Variants in FGGY observed in about 807,000 individuals in gnomAD.
The protein encoded by FGGY is FGGY carbohydrate kinase domain containing.
FGGY carries 72 observed loss-of-function variants against 71.3 expected under a neutral mutation model. That is an observed-to-expected ratio of 1.01 (90% confidence interval 0.84 to 1.23). The LOEUF is 1.23. Among genes scored for constraint, FGGY ranks in the 50% most tolerant of loss-of-function variants. The pLI, the probability that FGGY is intolerant of heterozygous loss-of-function variation, is 0.00. For synonymous variants in FGGY, 251 were observed against 250.3 expected, an observed-to-expected ratio of 1.00 and a Z score of -0.02; for missense variants, 668 against 682.3, an observed-to-expected ratio of 0.98 and a Z score of 0.23.
At chr1:59,399,001 T>C (rs1005031294) in intron 5 of FGGY, among the ~76,000 whole-genome samples, 1 of 152,210 alleles carries the variant, frequency 6.6e-6, no homozygotes, top group African/African-American at 2.4e-5. Context: ...ATTAGAATCA[T>C]ATGTTATTGG....
chr1:59,385,212 C>G (rs913587624), intron 5 of FGGY, among the ~76,000 whole-genome samples: 3 of 151,922 alleles, frequency 2.0e-5, no homozygotes, highest in African/African-American at 7.3e-5. Flanking sequence ...ACCCATTCTC[C>G]CCTTTTATTG....
intron 8 of FGGY, 119 bp from the exon 9 acceptor site, chr1:59,607,684 C>T (rs1253716610): frequency 3.0e-6 from 2 of 664,362 alleles, no homozygotes; most frequent in East Asian, 2.8e-5. Context: ...GTGACTTCCC[C>T]ACCATAAAAG....
At chr1:59,435,978 G>A (rs1237621230) in intron 5 of FGGY, among the ~76,000 whole-genome samples, 1 of 152,188 alleles carries the variant, frequency 6.6e-6, no homozygotes, top group African/African-American at 2.4e-5. Context: ...CAGAGAGACT[G>A]TGGCTGGCCT....
chr1:59,743,602 C>CT (rs56166782), intron 14 of FGGY, among the ~76,000 whole-genome samples: 37,663 of 147,790 alleles, frequency 0.25, 5,047 homozygotes, highest in Non-Finnish European at 0.31. Context: ...ATTTCCAGAT[C>CT]TTTTTTTTTT....
At chr1:59,749,379 A>G (rs149140942) in intron 14 of FGGY, among the ~76,000 whole-genome samples, 1 of 152,164 alleles carries the variant, frequency 6.6e-6, no homozygotes, top group African/African-American at 2.4e-5. Context: ...GTCTTGCTGG[A>G]CTGAGCCCTG....
intron 1 of FGGY, among the ~76,000 whole-genome samples, chr1:59,315,929 T>C (rs1348148931): frequency 6.6e-6 from 1 of 152,214 alleles, no homozygotes; most frequent in African/African-American, 2.4e-5. Context: ...AGAGGTAAAG[T>C]TTTGGTTAGC....
At chr1:59,329,640 C>T (rs1003436201) in intron 2 of FGGY, among the ~76,000 whole-genome samples, 2 of 152,220 alleles carry the variant, frequency 1.3e-5, no homozygotes, top group Non-Finnish European at 2.9e-5. Flanking sequence ...TGTCCTCAAA[C>T]ATGCAATGCT....
At chr1:59,624,797 T>C (rs908481805) in intron 9 of FGGY, among the ~76,000 whole-genome samples, 2 of 152,220 alleles carry the variant, frequency 1.3e-5, no homozygotes, top group African/African-American at 2.4e-5. Context: ...TGTTTCCCAC[T>C]GGGTCCCTCC....
intron 7 of FGGY, among the ~76,000 whole-genome samples, chr1:59,535,419 T>A (rs2095286081): frequency 6.6e-6 from 1 of 152,094 alleles, no homozygotes; most frequent in Non-Finnish European, 1.5e-5. Flanking sequence ...ATTAGACAGA[T>A]CAACGAGAGA....
At chr1:59,307,651 G>C (rs1034742451) in intron 1 of FGGY, among the ~76,000 whole-genome samples, 1 of 152,212 alleles carries the variant, frequency 6.6e-6, no homozygotes, top group African/African-American at 2.4e-5. Context: ...ATTTATTGAT[G>C]TAAGATGAGG....
chr1:59,372,758 C>G (rs143019050), intron 4 of FGGY, among the ~76,000 whole-genome samples: 1 of 152,080 alleles, frequency 6.6e-6, no homozygotes, highest in Non-Finnish European at 1.5e-5. Context: ...GTCCAATATA[C>G]GCAAATCAAT....
At chr1:59,705,764 A>G (rs1024539721) in intron 14 of FGGY, among the ~76,000 whole-genome samples, 44 of 152,320 alleles carry the variant, frequency 2.9e-4, no homozygotes, top group African/African-American at 1.0e-3. Flanking sequence ...GTGAGGTTTC[A>G]CATTTCCCAT....
chr1:59,600,461 G>A (rs989562904), intron 8 of FGGY, among the ~76,000 whole-genome samples: 1 of 152,156 alleles, frequency 6.6e-6, no homozygotes, highest in African/African-American at 2.4e-5. Context: ...GACTGGATGA[G>A]CTGACCCTAA....
At chr1:59,521,019 C>T (rs1391794476) in intron 7 of FGGY, among the ~76,000 whole-genome samples, 2 of 87,720 alleles carry the variant, frequency 2.3e-5, no homozygotes, top group African/African-American at 1.2e-4. Flanking sequence ...GGCAGACGGT[C>T]TGCAAGAAAT....
intron 8 of FGGY, among the ~76,000 whole-genome samples, chr1:59,589,497 C>A (rs896863390): frequency 3.3e-5 from 5 of 152,148 alleles, no homozygotes; most frequent in Non-Finnish European, 7.4e-5. Flanking sequence ...TTTTCCAGCA[C>A]CACACCACAC....
At chr1:59,413,290 G>C (rs953346486) in intron 5 of FGGY, among the ~76,000 whole-genome samples, 2 of 152,194 alleles carry the variant, frequency 1.3e-5, no homozygotes, top group African/African-American at 4.8e-5. Context: ...CTGAGGGCAG[G>C]ACTATGTTTG....
chr1:59,626,981 C>T (rs1366681577), intron 10 of FGGY: 1 of 151,856 alleles, frequency 6.6e-6, no homozygotes, highest in Non-Finnish European at 1.5e-5. Context: ...AGAAATGACA[C>T]TTCTCTGAGT....
At chr1:59,639,564 A>G (rs925578554) in intron 11 of FGGY, among the ~76,000 whole-genome samples, 3 of 152,178 alleles carry the variant, frequency 2.0e-5, no homozygotes, top group African/African-American at 7.2e-5. Context: ...CAGATAACCA[A>G]CTCTCTCTGT....
chr1:59,631,662 T>C (rs2096909657), intron 10 of FGGY, among the ~76,000 whole-genome samples: 1 of 152,160 alleles, frequency 6.6e-6, no homozygotes, highest in Admixed American at 6.5e-5. Flanking sequence ...GAGCTTAGGG[T>C]CAGCAAATCC....
Sources: allele counts gnomAD v4.1 joint callset (sites outside exome capture counted in the v4.1 genomes callset), GRCh38; gene constraint gnomAD v4.1.1; transcripts MANE v1.5; gene names NCBI Gene and HGNC (gene_info 2026-07-23, HGNC 2026-07-21).